Variants in SLC44A5 observed in about 807,000 individuals in gnomAD.
SLC44A5 encodes choline transporter-like protein 5.
SLC44A5 carries 57 observed loss-of-function variants against 101.8 expected under a neutral mutation model. The observed-to-expected ratio is 0.56, with a 90% CI of 0.45 to 0.70. SLC44A5 has a LOEUF of 0.70. Among genes scored for constraint, SLC44A5 ranks in the 30% least tolerant of loss-of-function variants. SLC44A5 has a pLI of 0.00. For missense variants in SLC44A5, 737 were observed against 853.1 expected, an observed-to-expected ratio of 0.86 and a Z score of 1.70; for synonymous variants, 281 against 290.9, an observed-to-expected ratio of 0.97 and a Z score of 0.35.
chr1:75,566,997 T>C (rs147697427), intron 1 of SLC44A5, among the ~76,000 whole-genome samples: 27 of 152,310 alleles, frequency 1.8e-4, no homozygotes, highest in African/African-American at 5.5e-4. Flanking sequence ...TCTGTTACAT[T>C]ATGTTACTCC....
intron 13 of SLC44A5, among the ~76,000 whole-genome samples, chr1:75,224,893 GTTA>G (rs892306588): frequency 2.8e-4 from 43 of 151,898 alleles, no homozygotes; most frequent in African/African-American, 1.0e-3. Context: ...AAAGCTAAAT[GTTA>G]TTATAAAAGT....
At chr1:75,619,384 C>T in the SLC44A5 span, among the ~76,000 whole-genome samples, 1 of 152,216 alleles carries the variant, frequency 6.6e-6, no homozygotes, top group Non-Finnish European at 1.5e-5. Flanking sequence ...TATAGATGTA[C>T]TTGACCAAGG....
At chr1:75,677,569 GAAAGAAAATGCCACA>G in the SLC44A5 span, among the ~76,000 whole-genome samples, 2 of 152,032 alleles carry the variant, frequency 1.3e-5, no homozygotes, top group African/African-American at 4.8e-5. Context: ...AAAGGAAGAA[GAAAGAAAATGCCACA>G]AAACAACTGG....
intron 6 of SLC44A5, among the ~76,000 whole-genome samples, chr1:75,270,431 G>A (rs1180968845): frequency 6.6e-6 from 1 of 151,576 alleles, no homozygotes; most frequent in African/African-American, 2.4e-5. Context: ...AGAGGAAATG[G>A]GTATATTATT....
chr1:75,420,105 C>T (rs1283528332), intron 2 of SLC44A5, among the ~76,000 whole-genome samples: 1 of 152,056 alleles, frequency 6.6e-6, no homozygotes, highest in Non-Finnish European at 1.5e-5. Context: ...CTCATCCCTT[C>T]TACCCTATGA....
At position 75,215,789 on chromosome 1, in the gene SLC44A5, C is replaced by A; in HGVS notation, c.1693G>T (p.Ala565Ser). 1 of 1,607,986 alleles carries A rather than the reference C, an allele frequency of 6.2e-7. No homozygotes were observed. The highest frequency in any genetic ancestry group is 8.5e-7 in the Non-Finnish European group (1 of 1,175,056). Reference sequence around the variant, plus strand: ...GCATTTCTGTTTAAAAACTTTATTGCATTTTCCAAACACCAGAAGCAGCAT... The same window carrying A: ...GCATTTCTGTTTAAAAACTTTATTGAATTTTCCAAACACCAGAAGCAGCAT... ...LRCCFWCLEN[A>S]IKFLNRNAYI... The change falls in exon 19 of 24, where the codon GCA becomes TCA. Residue 565 changes from alanine to serine, a missense_variant. Transcript: ENST00000370859.
chr1:75,620,610 T>C, the SLC44A5 span, among the ~76,000 whole-genome samples: 1 of 152,232 alleles, frequency 6.6e-6, no homozygotes. Flanking sequence ...ATATGTTTCC[T>C]GGCCACACAA....
chr1:75,392,671 G>T (rs992752583), intron 3 of SLC44A5, among the ~76,000 whole-genome samples: 22 of 152,180 alleles, frequency 1.4e-4, no homozygotes, highest in African/African-American at 5.3e-4. Flanking sequence ...CAAAGGAAAA[G>T]AAATTGTTCT....
At chr1:75,420,598 A>G (rs1663943557) in intron 2 of SLC44A5, among the ~76,000 whole-genome samples, 1 of 152,162 alleles carries the variant, frequency 6.6e-6, no homozygotes, top group African/African-American at 2.4e-5. Context: ...GGGACTGACT[A>G]TTCAATATAA....
chr1:75,329,571 A>T (rs1478559292), intron 4 of SLC44A5, among the ~76,000 whole-genome samples: 1 of 152,084 alleles, frequency 6.6e-6, no homozygotes, highest in Non-Finnish European at 1.5e-5. Context: ...TTTTAAGTTT[A>T]TTGGGAGCAT....
At chr1:75,632,600 A>T in the SLC44A5 span, among the ~76,000 whole-genome samples, 11 of 111,634 alleles carry the variant, frequency 9.9e-5, no homozygotes, top group Admixed American at 4.4e-4. Flanking sequence ...AATGACTATC[A>T]TTCCTGTTTT....
chr1:75,297,688 AT>A (rs762687957), intron 5 of SLC44A5, among the ~76,000 whole-genome samples: 3 of 152,046 alleles, frequency 2.0e-5, no homozygotes, highest in Non-Finnish European at 2.9e-5. Context: ...AAATATTCCT[AT>A]TTTTTTTCTA....
intron 1 of SLC44A5, among the ~76,000 whole-genome samples, chr1:75,581,008 G>C (rs1256137192): frequency 6.6e-6 from 1 of 152,036 alleles, no homozygotes; most frequent in Non-Finnish European, 1.5e-5. Context: ...TATCCATAAA[G>C]CCTAGCTATA....
At chr1:75,290,928 G>A (rs756674610) in intron 5 of SLC44A5, among the ~76,000 whole-genome samples, 1 of 152,154 alleles carries the variant, frequency 6.6e-6, no homozygotes. Flanking sequence ...AGAGCAAGAA[G>A]ATACACCCAA....
At chr1:75,537,551 G>A (rs1234326344) in intron 2 of SLC44A5, among the ~76,000 whole-genome samples, 2 of 152,216 alleles carry the variant, frequency 1.3e-5, no homozygotes, top group African/African-American at 4.8e-5. Flanking sequence ...GCATCTAAGA[G>A]AACAGGCAGA....
chr1:75,451,637 T>C (rs553915860), intron 2 of SLC44A5, among the ~76,000 whole-genome samples: 1 of 152,218 alleles, frequency 6.6e-6, no homozygotes, highest in East Asian at 1.9e-4. Context: ...CTGAAGGTAG[T>C]GTCATCATTA....
chr1:75,230,402 C>T (rs1373501908), intron 12 of SLC44A5, among the ~76,000 whole-genome samples: 1 of 151,900 alleles, frequency 6.6e-6, no homozygotes, highest in Non-Finnish European at 1.5e-5. Context: ...TGTGTGCTAC[C>T]ATGCCCAGCT....
At chr1:75,673,723 G>C in the SLC44A5 span, among the ~76,000 whole-genome samples, 1 of 152,128 alleles carries the variant, frequency 6.6e-6, no homozygotes, top group Non-Finnish European at 1.5e-5. Flanking sequence ...AGAACAGAGA[G>C]ACTCTGCTTG....
chr1:75,665,559 C>G, the SLC44A5 span, among the ~76,000 whole-genome samples: 6 of 152,104 alleles, frequency 3.9e-5, no homozygotes, highest in African/African-American at 1.4e-4. Context: ...GAATTTATAA[C>G]TAAGTTTTCA....
Sources: allele counts gnomAD v4.1 joint callset (sites outside exome capture counted in the v4.1 genomes callset), GRCh38; gene constraint gnomAD v4.1.1; transcripts MANE v1.5; gene names NCBI Gene and HGNC (gene_info 2026-07-23, HGNC 2026-07-21).